Variants in GPR39 observed in about 807,000 individuals in gnomAD.
The protein encoded by GPR39 is G protein-coupled receptor 39, also known as zinc sensing receptor.
A neutral mutation model predicts 18.4 loss-of-function variants in GPR39; 23 were observed. The ratio of observed to expected loss-of-function variants is 1.25; its 90% CI spans 0.90 to 1.77. The LOEUF is 1.77. Among genes scored for constraint, GPR39 ranks in the 40% most tolerant of loss-of-function variants. GPR39 has a pLI of 0.00. For missense variants in GPR39, 647 were observed against 602.4 expected (o/e 1.07, Z -0.78); for synonymous variants, 280 against 257.9 (o/e 1.09, Z -0.82).
At chr2:132,540,821 A>G (rs1159230755) in intron 1 of GPR39, among the ~76,000 whole-genome samples, 2 of 152,140 alleles carry the variant, frequency 1.3e-5, no homozygotes, top group Admixed American at 6.5e-5. Flanking sequence ...GTGGTATGAA[A>G]TTGAAACTGG....
At chr2:132,513,332 G>A (rs1395368310) in intron 1 of GPR39, among the ~76,000 whole-genome samples, 3 of 152,112 alleles carry the variant, frequency 2.0e-5, no homozygotes, top group South Asian at 2.1e-4. Context: ...GCGAGGTGGC[G>A]GGCGCCTGTA....
chr2:132,423,729 C>A (rs1459914848), intron 1 of GPR39, among the ~76,000 whole-genome samples: 2 of 152,210 alleles, frequency 1.3e-5, no homozygotes, highest in Non-Finnish European at 2.9e-5. Context: ...AAACAAGACT[C>A]ACTGTTGTCA....
intron 1 of GPR39, among the ~76,000 whole-genome samples, chr2:132,436,192 C>G (rs563691862): frequency 2.0e-5 from 3 of 152,162 alleles, no homozygotes; most frequent in Non-Finnish European, 4.4e-5. Context: ...CCATTCTAGG[C>G]GGGAGCTTTT....
At chr2:132,422,290 C>T (rs752465642) in intron 1 of GPR39, among the ~76,000 whole-genome samples, 2 of 152,108 alleles carry the variant, frequency 1.3e-5, no homozygotes, top group Non-Finnish European at 2.9e-5. Context: ...TTGTCAGTGG[C>T]GTGGCATTTG....
chr2:132,571,062 C>A (rs1165928511), intron 1 of GPR39, among the ~76,000 whole-genome samples: 1 of 152,190 alleles, frequency 6.6e-6, no homozygotes, highest in African/African-American at 2.4e-5. Context: ...TGAATGAGTA[C>A]ATTGTGCCCA....
At chr2:132,599,467 G>T (rs1386258148) in intron 1 of GPR39, among the ~76,000 whole-genome samples, 2 of 152,090 alleles carry the variant, frequency 1.3e-5, no homozygotes, top group African/African-American at 4.8e-5. Flanking sequence ...AGCTGGGAGA[G>T]AATTTTTCTC....
chr2:132,456,982 T>G (rs1680740234), intron 1 of GPR39, among the ~76,000 whole-genome samples: 1 of 152,212 alleles, frequency 6.6e-6, no homozygotes, highest in Admixed American at 6.5e-5. Flanking sequence ...TCGAGGAGTA[T>G]CTTTGTTGTA....
intron 1 of GPR39, among the ~76,000 whole-genome samples, chr2:132,544,754 T>G (rs1202690363): frequency 6.6e-6 from 1 of 152,146 alleles, no homozygotes; most frequent in Non-Finnish European, 1.5e-5. Context: ...AAGAATGAGG[T>G]TATACTGACA....
chr2:132,531,085 C>T (rs1679615849), intron 1 of GPR39, among the ~76,000 whole-genome samples: 1 of 152,148 alleles, frequency 6.6e-6, no homozygotes, highest in Admixed American at 6.5e-5. Flanking sequence ...CAAGACCCAT[C>T]AGTGTGCTGT....
intron 1 of GPR39, 66 bp from the exon 2 acceptor site, chr2:132,645,032 TTCA>T (rs1334260831): frequency 1.3e-6 from 2 of 1,510,006 alleles, no homozygotes; most frequent in African/African-American, 2.8e-5. Flanking sequence ...TATGGTTTTA[TTCA>T]TTTACTGTGT....
At chr2:132,431,870 T>C (rs1001556940) in intron 1 of GPR39, among the ~76,000 whole-genome samples, 3 of 152,224 alleles carry the variant, frequency 2.0e-5, no homozygotes, top group African/African-American at 7.2e-5. Flanking sequence ...CAGTAGACAT[T>C]TATTTTCTCA....
intron 1 of GPR39, among the ~76,000 whole-genome samples, chr2:132,516,241 C>T (rs1679330872): frequency 6.6e-6 from 1 of 152,110 alleles, no homozygotes; most frequent in African/African-American, 2.4e-5. Flanking sequence ...GAGGGGGTGC[C>T]TCTGAGGAAG....
chr2:132,599,205 C>A (rs1046635051), intron 1 of GPR39, among the ~76,000 whole-genome samples: 1 of 152,118 alleles, frequency 6.6e-6, no homozygotes, highest in African/African-American at 2.4e-5. Context: ...AACTTTCCAG[C>A]GGGAGGTTAT....
At chr2:132,482,991 G>A (rs1372695852) in intron 1 of GPR39, among the ~76,000 whole-genome samples, 1 of 152,154 alleles carries the variant, frequency 6.6e-6, no homozygotes, top group East Asian at 1.9e-4. Flanking sequence ...ATATAGTGTA[G>A]CAATGGAGTG....
intron 1 of GPR39, among the ~76,000 whole-genome samples, chr2:132,492,241 T>C (rs567053667): frequency 7.0e-6 from 1 of 143,682 alleles, no homozygotes; most frequent in Non-Finnish European, 1.5e-5. Context: ...ACCATATATA[T>C]ACATACCATA....
At chr2:132,434,575 T>C (rs1050189822) in intron 1 of GPR39, among the ~76,000 whole-genome samples, 2 of 152,168 alleles carry the variant, frequency 1.3e-5, no homozygotes, top group Non-Finnish European at 1.5e-5. Context: ...AGCCTCTAGA[T>C]TGGGGCCATA....
intron 1 of GPR39, among the ~76,000 whole-genome samples, chr2:132,444,437 C>T (rs1016556226): frequency 2.5e-4 from 38 of 152,114 alleles, no homozygotes; most frequent in Admixed American, 3.9e-4. Flanking sequence ...AATGCAGGCA[C>T]ACGCCCATAC....
chr2:132,519,451 G>C (rs905630462), intron 1 of GPR39, among the ~76,000 whole-genome samples: 1 of 152,202 alleles, frequency 6.6e-6, no homozygotes, highest in Non-Finnish European at 1.5e-5. Context: ...CAATGTTCCT[G>C]AGGAAAGTGC....
Position 132,602,880 on chromosome 2 carries a change from A to AAAC in GPR39, c.857-42219_857-42218insCAA, listed in dbSNP as rs767501953. 1.3e-3 allele frequency among the ~76,000 whole-genome samples: 190 copies of AAAC among 151,660 alleles called. 1 individual carries two copies. The highest frequency in any genetic ancestry group is 3.4e-3 in the Middle Eastern group (1 of 292). On this transcript the variant is annotated intron_variant, in intron 1 of 1. Transcript: ENST00000329321. ...GAATGGCTTAAAAAGAGAAAAAAAA[A>AAAC]AAAAACAAATGCTAGTGAGATTGTA...
Sources: allele counts gnomAD v4.1 joint callset (sites outside exome capture counted in the v4.1 genomes callset), GRCh38; gene constraint gnomAD v4.1.1; transcripts MANE v1.5; gene names NCBI Gene and HGNC (gene_info 2026-07-23, HGNC 2026-07-21).